BAIAP2: variants seen among roughly 807,000 people sequenced by gnomAD.
BAIAP2 encodes BAR/IMD domain-containing adapter protein 2.
In BAIAP2, 18 loss-of-function variants were observed where a neutral mutation model predicts 63.0. The observed-to-expected ratio is 0.29, with a 90% CI of 0.20 to 0.42. The LOEUF is 0.42. BAIAP2 is among the 10% of genes least tolerant of loss of function. BAIAP2 has a pLI of 1.00. For synonymous variants in BAIAP2, 386 were observed against 307.6 expected (o/e 1.25, Z -2.67); for missense variants, 610 against 734.3 (o/e 0.83, Z 1.96).
intron 7 of BAIAP2, among the ~76,000 whole-genome samples, chr17:81,103,197 G>A (rs116005964): frequency 0.012 from 1,864 of 152,266 alleles, 35 homozygotes; most frequent in African/African-American, 0.043. Context: ...GACCTTGTGC[G>A]TCCCTGTCCG....
intron 6 of BAIAP2, among the ~76,000 whole-genome samples, chr17:81,096,457 G>A (rs573203891): frequency 7.9e-5 from 12 of 152,384 alleles, no homozygotes; most frequent in Admixed American, 7.2e-4. Context: ...TCAGAGCCTG[G>A]AGGCGCACCC....
At chr17:81,094,975 G>A (rs2057383769) in intron 6 of BAIAP2, among the ~76,000 whole-genome samples, 1 of 152,214 alleles carries the variant, frequency 6.6e-6, no homozygotes, top group Admixed American at 6.5e-5. Flanking sequence ...GTTTTTTCTG[G>A]AATGCCCCTC....
chr17:81,106,029 G>A (rs767106392), intron 10 of BAIAP2, 49 bp from the exon 11 acceptor site: 5 of 1,514,276 alleles, frequency 3.3e-6, no homozygotes, highest in Non-Finnish European at 4.5e-6. Flanking sequence ...GGTGGGGGAT[G>A]GGGAGCCTCT....
At chr17:81,053,518 A>T in intron 1 of BAIAP2, 150 bp from the exon 2 acceptor site, 3 of 778,730 alleles carry the variant, frequency 3.9e-6, no homozygotes, top group Non-Finnish European at 4.3e-6. Context: ...CATGGCTGGG[A>T]TTTGAACTTG....
At chr17:81,091,057 T>C (rs2056658198) in intron 6 of BAIAP2, among the ~76,000 whole-genome samples, 1 of 94,134 alleles carries the variant, frequency 1.1e-5, no homozygotes, top group South Asian at 4.3e-4. Flanking sequence ...CGCCCCCACT[T>C]GTGTGGACCC....
At chr17:81,099,026 C>T (rs898028518) in intron 6 of BAIAP2, among the ~76,000 whole-genome samples, 1 of 137,584 alleles carries the variant, frequency 7.3e-6, no homozygotes, top group African/African-American at 2.7e-5. Flanking sequence ...CCCGGGTGGG[C>T]ACTCAGGCAG....
chr17:81,075,714 C>T (rs1001501122), intron 3 of BAIAP2, among the ~76,000 whole-genome samples: 7 of 152,180 alleles, frequency 4.6e-5, no homozygotes, highest in African/African-American at 9.7e-5. Flanking sequence ...TCCCTCTGTG[C>T]CCTTCTCCCC....
rs1209333729 is a variant in BAIAP2, at chr17:81,115,845, A to ACAT, written c.*8_*10dup. 2 of 1,613,088 alleles carry ACAT rather than the reference A, an allele frequency of 1.2e-6. No individual in the cohort carries two copies. The highest frequency in any genetic ancestry group is 1.7e-5 in the Admixed American group (1 of 59,998). On this transcript the variant is annotated 3_prime_UTR_variant, in exon 14 of 14. Transcript: ENST00000428708. ...CTGCCCCCCTCCTCAGCTGATGGCC[A>ACAT]CATCTGCAGTGCTGCCCATCTGGTG...
chr17:81,109,696 G>C (rs1470459546), intron 13 of BAIAP2: 31 of 985,344 alleles, frequency 3.1e-5, no homozygotes, highest in Non-Finnish European at 3.7e-5. Flanking sequence ...GGTGTACATA[G>C]AGCAGCGCGG....
chr17:81,066,311 C>T (rs1054995200), intron 3 of BAIAP2, among the ~76,000 whole-genome samples: 2 of 152,254 alleles, frequency 1.3e-5, no homozygotes, highest in South Asian at 2.1e-4. Flanking sequence ...CCTGTTGGGC[C>T]AGCCTCAGAA....
chr17:81,114,364 A>T (rs1426832641), intron 13 of BAIAP2, among the ~76,000 whole-genome samples: 1 of 152,090 alleles, frequency 6.6e-6, no homozygotes, highest in Non-Finnish European at 1.5e-5. Flanking sequence ...GAGTGGGTCT[A>T]GCCTGGCAGG....
At chr17:81,037,190 T>G (rs1232955689) in intron 1 of BAIAP2, among the ~76,000 whole-genome samples, 1 of 151,420 alleles carries the variant, frequency 6.6e-6, no homozygotes, top group African/African-American at 2.4e-5. Flanking sequence ...AGGTTCTGCG[T>G]TTTGTCTTCC....
chr17:81,039,466 C>T (rs1027737532), intron 1 of BAIAP2, among the ~76,000 whole-genome samples: 2 of 152,224 alleles, frequency 1.3e-5, no homozygotes, highest in Non-Finnish European at 2.9e-5. Flanking sequence ...GCCAGGCGTT[C>T]TGGGATGTGG....
chr17:81,102,061 G>A (rs562085355), intron 7 of BAIAP2, among the ~76,000 whole-genome samples: 2 of 151,280 alleles, frequency 1.3e-5, no homozygotes, highest in South Asian at 4.5e-4. Context: ...TCCCAGGAGG[G>A]GTTGCGGGAT....
chr17:81,035,786 G>C (rs1254421593), intron 1 of BAIAP2, among the ~76,000 whole-genome samples: 1 of 152,140 alleles, frequency 6.6e-6, no homozygotes, highest in Non-Finnish European at 1.5e-5. Context: ...CGGTCGGCGC[G>C]GTGGCACCGT....
chr17:81,103,478 C>T, intron 7 of BAIAP2, 24 bp from the exon 8 acceptor site: 1 of 1,542,520 alleles, frequency 6.5e-7, no homozygotes, highest in South Asian at 1.2e-5. Context: ...CCTGACCCCT[C>T]CCTTCCTGCT....
chr17:81,112,499 G>A (rs1598858151), intron 13 of BAIAP2, among the ~76,000 whole-genome samples: 1 of 152,330 alleles, frequency 6.6e-6, no homozygotes, highest in East Asian at 1.9e-4. Context: ...TGGGAAGGGG[G>A]CCTTGGAATG....
chr17:81,037,002 G>C (rs770363161), intron 1 of BAIAP2: 1 of 1,486,458 alleles, frequency 6.7e-7, no homozygotes, highest in Non-Finnish European at 9.1e-7. Context: ...GACCGACCCC[G>C]TGATCGTCCT....
intron 6 of BAIAP2, among the ~76,000 whole-genome samples, chr17:81,090,059 C>T (rs970284853): frequency 2.0e-5 from 3 of 152,176 alleles, no homozygotes; most frequent in African/African-American, 7.2e-5. Flanking sequence ...CTAGAACTTG[C>T]AGCTGCTCCT....
Sources: allele counts gnomAD v4.1 joint callset (sites outside exome capture counted in the v4.1 genomes callset), GRCh38; gene constraint gnomAD v4.1.1; transcripts MANE v1.5; gene names NCBI Gene and HGNC (gene_info 2026-07-23, HGNC 2026-07-21).